Variants in TUSC3 observed in about 807,000 individuals in gnomAD.
TUSC3 encodes tumor suppressor candidate 3.
TUSC3 carries 45 observed loss-of-function variants against 44.8 expected under a neutral mutation model. The observed-to-expected ratio is 1.00, with a 90% CI of 0.79 to 1.29. The LOEUF (loss-of-function observed/expected upper bound fraction) is 1.29. Among genes scored for constraint, TUSC3 ranks in the 50% most tolerant of loss-of-function variants. The probability of loss-of-function intolerance (pLI) is 0.00; values close to 1 mark genes in which losing one functional copy is unlikely to be tolerated. For missense variants in TUSC3, 519 were observed against 437.9 expected, an observed-to-expected ratio of 1.19 and a Z score of -1.65; for synonymous variants, 212 against 152.9, an observed-to-expected ratio of 1.39 and a Z score of -2.85.
At chr8:15,747,796 T>C (rs1443494076) in intron 8 of TUSC3, among the ~76,000 whole-genome samples, 1 of 152,114 alleles carries the variant, frequency 6.6e-6, no homozygotes, top group Non-Finnish European at 1.5e-5. Context: ...CTACCTGCCA[T>C]GGAGGGAGTT....
intron 1 of TUSC3, among the ~76,000 whole-genome samples, chr8:15,457,292 A>T (rs1220724254): frequency 2.0e-5 from 3 of 152,012 alleles, no homozygotes; most frequent in Non-Finnish European, 4.4e-5. Context: ...GTTGTGCACA[A>T]GTACCCTAGA....
chr8:15,709,408 A>G (rs934292481), intron 6 of TUSC3, among the ~76,000 whole-genome samples: 1 of 151,828 alleles, frequency 6.6e-6, no homozygotes, highest in African/African-American at 2.4e-5. Context: ...GACTACACGT[A>G]TTTCCTCGTT....
chr8:15,778,832 T>A, the TUSC3 span, among the ~76,000 whole-genome samples: 3 of 152,290 alleles, frequency 2.0e-5, no homozygotes, highest in East Asian at 5.8e-4. Flanking sequence ...ACCAAGAAAC[T>A]CTTTATGCAA....
In TUSC3 at chr8:15,699,803, T is replaced by A. The variant is rs182741247; in HGVS notation, c.798+25967T>A. On this transcript the variant is annotated intron_variant, in intron 6 of 10. Transcript: ENST00000503731. Reference sequence around the variant, plus strand: ...TCTAATTTAATGTTTTATAAAGCACTTAGAGGTTAAATAGAACTTTTAAAA... The same window carrying A: ...TCTAATTTAATGTTTTATAAAGCACATAGAGGTTAAATAGAACTTTTAAAA... Among the ~76,000 whole-genome samples, 25 of 152,284 alleles carry A rather than the reference T, an allele frequency of 1.6e-4. No individual in the cohort carries two copies. The East Asian group carries it at 3.7e-3, about 22-fold the overall frequency.
intron 9 of TUSC3, among the ~76,000 whole-genome samples, chr8:15,756,379 C>A (rs1346921079): frequency 1.3e-5 from 2 of 152,110 alleles, no homozygotes; most frequent in South Asian, 4.1e-4. Flanking sequence ...AGTTCGTAGT[C>A]CCTGAAATGT....
chr8:15,828,483 A>G, the TUSC3 span, among the ~76,000 whole-genome samples: 143,463 of 152,230 alleles, frequency 0.94, 67,696 homozygotes, highest in Non-Finnish European at 0.97. Context: ...AGCCACTCTT[A>G]CAACTTCTCT....
intron 6 of TUSC3, among the ~76,000 whole-genome samples, chr8:15,702,884 G>T (rs1385197868): frequency 6.6e-6 from 1 of 152,090 alleles, no homozygotes; most frequent in Non-Finnish European, 1.5e-5. Context: ...GCATTGCTAG[G>T]CATAGTTGAC....
intron 2 of TUSC3, among the ~76,000 whole-genome samples, chr8:15,501,125 C>G (rs1234193415): frequency 6.6e-6 from 1 of 152,150 alleles, no homozygotes; most frequent in East Asian, 1.9e-4. Flanking sequence ...CCTTACATCA[C>G]TTTTGGTATT....
rs374178214 is a variant in TUSC3 at position 15,730,751 on chromosome 8, G to A, written c.862+22G>A. On this transcript the variant is annotated intron_variant, in intron 7 of 10. Coordinates refer to ENST00000503731, the MANE Select transcript of TUSC3 (RefSeq NM_006765.4). ...CTGAGTATCCTTTTAAGATACCGAC[G>A]AATTGAAAAGGGCAAACTAAAGCTA... The A allele has an allele frequency of 3.2e-4, 512 of 1,608,932 alleles. 8 individuals carry two copies. In the South Asian group the frequency reaches 4.6e-3, roughly 15 times the overall value.
At chr8:15,469,712 T>C (rs571191229) in intron 1 of TUSC3, among the ~76,000 whole-genome samples, 1 of 152,352 alleles carries the variant, frequency 6.6e-6, no homozygotes, top group African/African-American at 2.4e-5. Context: ...TTATAGCAAC[T>C]GTATTCACAA....
intron 2 of TUSC3, among the ~76,000 whole-genome samples, chr8:15,629,662 C>G (rs980067702): frequency 1.2e-4 from 17 of 142,046 alleles, no homozygotes; most frequent in African/African-American, 3.7e-4. Context: ...TGTTTAGGAT[C>G]TTTGAAAAGT....
intron 1 of TUSC3, among the ~76,000 whole-genome samples, chr8:15,589,055 T>C (rs1323316413): frequency 6.6e-6 from 1 of 152,210 alleles, no homozygotes; most frequent in East Asian, 1.9e-4. Context: ...TTTATCATTA[T>C]GCAACGACTT....
At chr8:15,462,058 A>G (rs963001944) in intron 1 of TUSC3, among the ~76,000 whole-genome samples, 2 of 152,068 alleles carry the variant, frequency 1.3e-5, no homozygotes, top group African/African-American at 4.8e-5. Context: ...TCTGTGAAAT[A>G]TCAATCATTC....
intron 6 of TUSC3, among the ~76,000 whole-genome samples, chr8:15,722,821 A>T (rs1439181380): frequency 7.5e-6 from 1 of 133,110 alleles, no homozygotes; most frequent in Non-Finnish European, 1.6e-5. Context: ...TATTAAAAAA[A>T]CTGTTTAAAT....
intron 3 of TUSC3, among the ~76,000 whole-genome samples, chr8:15,654,253 C>G (rs368472537): frequency 1.3e-5 from 2 of 152,106 alleles, no homozygotes; most frequent in African/African-American, 2.4e-5. Context: ...CTATAGACGT[C>G]TCTCATATAT....
intron 6 of TUSC3, among the ~76,000 whole-genome samples, chr8:15,689,855 TGTGTG>T (rs1244913882): frequency 8.2e-5 from 5 of 60,728 alleles, no homozygotes; most frequent in East Asian, 4.3e-4. Flanking sequence ...TGTGTGTGTG[TGTGTG>T]TGTATAAATA....
intron 1 of TUSC3, among the ~76,000 whole-genome samples, chr8:15,457,522 A>G (rs959078946): frequency 6.6e-6 from 1 of 151,228 alleles, no homozygotes; most frequent in Non-Finnish European, 1.5e-5. Context: ...TCACATTTAT[A>G]TACTGTATGA....
intron 1 of TUSC3, among the ~76,000 whole-genome samples, chr8:15,616,935 C>T (rs1049259551): frequency 1.3e-4 from 20 of 152,148 alleles, no homozygotes; most frequent in African/African-American, 4.8e-4. Flanking sequence ...ACCAGCATGG[C>T]CGAGTGGGCA....
chr8:15,644,018 TA>T lies in TUSC3; in HGVS notation c.309-6674del, dbSNP rs769773985. On this transcript the variant is annotated intron_variant, in intron 2 of 10. Transcript: ENST00000503731. Reference sequence around the variant, plus strand: ...CTGCTATAAGAAGTTTGATTAACATTAAAAAGAGAAGCTATACTTCTTAAAA... The same window carrying T: ...CTGCTATAAGAAGTTTGATTAACATTAAAAGAGAAGCTATACTTCTTAAAA... Among the ~76,000 whole-genome samples the T allele has an allele frequency of 1.9e-4, 29 of 152,326 alleles. 1 individual carries two copies. The highest frequency in any genetic ancestry group is 9.7e-4 in the East Asian group (5 of 5,178).
Sources: allele counts gnomAD v4.1 joint callset (sites outside exome capture counted in the v4.1 genomes callset), GRCh38; gene constraint gnomAD v4.1.1; transcripts MANE v1.5; gene names NCBI Gene and HGNC (gene_info 2026-07-23, HGNC 2026-07-21).